The following CDK18 variants were observed in gnomAD, a reference collection of about 807,000 sequenced individuals.
The protein encoded by CDK18 is cyclin dependent kinase 18, also known as cyclin-dependent kinase 18.
CDK18 carries 52 observed loss-of-function variants against 62.0 expected under a neutral mutation model. That is an observed-to-expected ratio of 0.84 (90% CI 0.67 to 1.06). The LOEUF is 1.06. CDK18 is among the 50% of genes least tolerant of loss of function. The probability of loss-of-function intolerance (pLI) is 0.00; values close to 1 mark genes in which losing one functional copy is unlikely to be tolerated. For synonymous variants in CDK18, 237 were observed against 247.0 expected, an observed-to-expected ratio of 0.96 and a Z score of 0.38; for missense variants, 604 against 619.9, an observed-to-expected ratio of 0.97 and a Z score of 0.27.
At chr1:205,506,201 C>A (rs1667298978) in intron 1 of CDK18, among the ~76,000 whole-genome samples, 1 of 152,152 alleles carries the variant, frequency 6.6e-6, no homozygotes, top group Non-Finnish European at 1.5e-5. Context: ...GACACTGGCT[C>A]CAGGTCCGGG....
At chr1:205,505,235 C>T (rs921948263) in intron 1 of CDK18, among the ~76,000 whole-genome samples, 1 of 152,156 alleles carries the variant, frequency 6.6e-6, no homozygotes, top group African/African-American at 2.4e-5. Flanking sequence ...GGTCAGGAGT[C>T]TCCAGGGACC....
intron 1 of CDK18, among the ~76,000 whole-genome samples, chr1:205,521,948 G>A (rs1033799916): frequency 8.5e-5 from 13 of 152,190 alleles, no homozygotes; most frequent in African/African-American, 1.2e-4. Context: ...GGTGCAGGGC[G>A]GCCCATCATA....
chr1:205,507,661 A>T lies in CDK18; in HGVS notation c.-22+2865A>T, dbSNP rs933490997. On this transcript the variant is annotated intron_variant, in intron 1 of 15. Transcript: ENST00000429964. ...AAAAAAAAAAAAAAAAAAAAAAAAAAAATAATGCACAGTGCCTGGCATGTA... is the reference window on the plus strand; with the variant it reads ...AAAAAAAAAAAAAAAAAAAAAAAAATAATAATGCACAGTGCCTGGCATGTA... 3.2e-3 allele frequency among the ~76,000 whole-genome samples: 487 copies of T among 150,376 alleles called. 1 individual carries two copies. Among genetic ancestry groups the T allele is most frequent in the Non-Finnish European group, 4.8e-3 (325 of 67,594 alleles).
intron 4 of CDK18, among the ~76,000 whole-genome samples, chr1:205,524,780 G>A (rs995260890): frequency 2.6e-5 from 4 of 152,318 alleles, no homozygotes; most frequent in African/African-American, 7.2e-5. Flanking sequence ...CTAGAAGTGC[G>A]CTGATGAGAG....
At chr1:205,530,102 G>A (rs1354531727) in intron 13 of CDK18, 157 bp from the exon 14 acceptor site, 1 of 1,449,880 alleles carries the variant, frequency 6.9e-7, no homozygotes, top group Non-Finnish European at 9.0e-7. Flanking sequence ...ATGGCCTGAG[G>A]TTGGGTTTGT....
At position 205,532,426 on chromosome 1, in the gene CDK18, C is replaced by G. The variant is rs529448433; in HGVS notation, c.*1048C>G. The G allele has an allele frequency of 6.5e-6, 1 of 152,862 alleles. No individual in the cohort carries two copies. The highest frequency in any genetic ancestry group is 2.4e-5 in the African/African-American group (1 of 41,586). The allele number at this position is 152,862 out of a possible 1,614,324, so 9.5% of individuals were successfully genotyped here. Reference sequence around the variant, plus strand: ...TGGCTCTGTCCACCTGATCCCAATACCAGCTTCCCCCAGCCCCTGCCACCC... The same window carrying G: ...TGGCTCTGTCCACCTGATCCCAATAGCAGCTTCCCCCAGCCCCTGCCACCC... On this transcript the variant is annotated 3_prime_UTR_variant, in exon 16 of 16. Coordinates refer to ENST00000429964, the MANE Select transcript of CDK18 (RefSeq NM_212502.3).
At position 205,527,028 on chromosome 1, in the gene CDK18, C is replaced by T. The variant is rs1345347319; in HGVS notation, c.729+191C>T. 3.4e-6 allele frequency: 2 copies of T among 584,658 alleles called. No individual in the cohort carries two copies. The highest frequency in any genetic ancestry group is 2.1e-5 in the South Asian group (1 of 48,252). 36.2% of individuals were successfully genotyped at this position (584,658 alleles called of 1,614,324 possible). On this transcript the variant is annotated intron_variant, in intron 8 of 15. Coordinates refer to ENST00000429964, the MANE Select transcript of CDK18 (RefSeq NM_212502.3). The surrounding 1 kb of genome is among the most constrained non-coding windows in gnomAD (Gnocchi z 4.1). ...TTGAGCGCTTTACCCCAAGAACAGA[C>T]ACACACTGTCTGCCACTGTCTAGCT...
At chr1:205,526,677 G>A (rs1668448720) in intron 7 of CDK18, 98 bp from the exon 8 acceptor site, 2 of 1,212,246 alleles carry the variant, frequency 1.6e-6, no homozygotes, top group South Asian at 1.2e-5. Context: ...AGTGGGCGTG[G>A]GCCCTTCCCA....
chr1:205,525,261 C>T (rs1343095411), intron 5 of CDK18, 66 bp downstream of exon 5: 1 of 1,153,050 alleles, frequency 8.7e-7, no homozygotes, highest in Non-Finnish European at 1.3e-6. Context: ...GGGCAGACCT[C>T]CCTAGTCGGC....
In CDK18 at chr1:205,530,312, C is replaced by T. The variant is rs748282748; in HGVS notation, c.1275C>T (p.Phe425=). The change falls in exon 14 of 16, where the codon TTC becomes TTT. Residue 425 remains phenylalanine, a synonymous_variant. Transcript: ENST00000429964. ...SAEAALSHSY[F]RSLGERVHQL... is the part of the protein sequence containing the mutation. The stretch of plus-strand genomic sequence containing the variant: ...AGGCTGCCCTGAGTCACTCCTACTT[C>T]CGGTCTCTGGGAGAGCGTGTGCACC... 3.8e-5 allele frequency: 61 copies of T among 1,613,216 alleles called. No homozygotes were observed. Among genetic ancestry groups the T allele is most frequent in the Non-Finnish European group, 5.1e-5 (60 of 1,180,026 alleles).
intron 1 of CDK18, among the ~76,000 whole-genome samples, chr1:205,512,777 G>A (rs951940843): frequency 2.6e-4 from 40 of 152,372 alleles, no homozygotes; most frequent in Middle Eastern, 3.4e-3. Flanking sequence ...ACTGGGCGGC[G>A]TGGGCCAGCT....
At chr1:205,522,254 G>A (rs1190364943) in intron 1 of CDK18, among the ~76,000 whole-genome samples, 1 of 152,024 alleles carries the variant, frequency 6.6e-6, no homozygotes, top group African/African-American at 2.4e-5. Context: ...TCATGGTTGG[G>A]GACAGGACCG....
intron 7 of CDK18, 103 bp from the exon 8 acceptor site, chr1:205,526,672 G>T: frequency 8.6e-7 from 1 of 1,166,068 alleles, no homozygotes; most frequent in South Asian, 1.2e-5. Context: ...CCACTAGTGG[G>T]CGTGGGCCCT....
In CDK18 at chr1:205,527,245, A is replaced by G. The variant is rs142792310; in HGVS notation, c.729+408A>G. ...CCTGTAATCCCAGCACTGGGAGGCC[A>G]AGGCAGGAAGATGGCTTGAGCCCAG... On this transcript the variant is annotated intron_variant, in intron 8 of 15. Coordinates refer to ENST00000429964, the MANE Select transcript of CDK18 (RefSeq NM_212502.3). The surrounding 1 kb of genome is among the most constrained non-coding windows in gnomAD (Gnocchi z 4.1). 1.2e-3 allele frequency: 271 copies of G among 224,324 alleles called. 2 individuals carry two copies. Among genetic ancestry groups the G allele is most frequent in the African/African-American group, 5.7e-3 (252 of 43,828 alleles). The allele number at this position is 224,324 out of a possible 1,614,324, so 13.9% of individuals were successfully genotyped here. A position where few individuals can be genotyped will look rare whatever the true frequency, so the allele number is the denominator to read the frequency against.
intron 1 of CDK18, among the ~76,000 whole-genome samples, chr1:205,510,961 G>C (rs1667540417): frequency 6.6e-6 from 1 of 152,238 alleles, no homozygotes; most frequent in Non-Finnish European, 1.5e-5. Flanking sequence ...CCTGGTCCCT[G>C]CCATGCTGAG....
At position 205,532,444 on chromosome 1, in the gene CDK18, TG is replaced by T. The variant is rs1472767980; in HGVS notation, c.*1067del. The stretch of plus-strand genomic sequence containing the variant: ...CCCAATACCAGCTTCCCCCAGCCCC[TG>T]CCACCCCAGAGGGCGGCCACGACAG... On this transcript the variant is annotated 3_prime_UTR_variant, in exon 16 of 16. Coordinates refer to ENST00000429964, the MANE Select transcript of CDK18 (RefSeq NM_212502.3). The T allele has an allele frequency of 6.5e-6, 1 of 152,702 alleles. No individual in the cohort carries two copies. Among genetic ancestry groups the T allele is most frequent in the Non-Finnish European group, 1.5e-5 (1 of 68,242 alleles). 9.5% of individuals were successfully genotyped at this position (152,702 alleles called of 1,614,324 possible).
Position 205,523,632 on chromosome 1 carries a change from G to C in CDK18, c.273+7G>C, listed in dbSNP as rs1668264013. On this transcript the variant is annotated splice_region_variant and intron_variant, in intron 3 of 15. Coordinates refer to ENST00000429964, the MANE Select transcript of CDK18 (RefSeq NM_212502.3). Reference sequence around the variant, plus strand: ...GCGCCGCTTCTCCATGGAGGTAAGGGCCTCTGGAGCTCTGCCCCGGCAGGT... The same window carrying C: ...GCGCCGCTTCTCCATGGAGGTAAGGCCCTCTGGAGCTCTGCCCCGGCAGGT... 6.4e-7 allele frequency: 1 copy of C among 1,562,510 alleles called. No individual in the cohort carries two copies. Among genetic ancestry groups the C allele is most frequent in the Admixed American group, 1.9e-5 (1 of 52,096 alleles).
In CDK18 at chr1:205,526,249, G is replaced by A. The variant is rs977030703; in HGVS notation, c.571+70G>A. 296 of 1,506,162 alleles carry A rather than the reference G, an allele frequency of 2.0e-4. 5 individuals carry two copies. The highest frequency in any genetic ancestry group is 1.9e-4 in the Non-Finnish European group (210 of 1,083,468). 93.3% of individuals were successfully genotyped at this position (1,506,162 alleles called of 1,614,324 possible). ...GAGGGGTTCACCAGCCTGCACCCTT[G>A]TGGGAGCTGGGGGTAGAGGATCATT... On this transcript the variant is annotated intron_variant, in intron 6 of 15. Transcript: ENST00000429964.
rs1575083882 is a variant in CDK18 at position 205,531,435 on chromosome 1, G to T, written c.*57G>T. ...AGAGATCACATGGAGCACAAATTCG[G>T]GTAGGATGGAGCCTGTGTGGCCCTC... On this transcript the variant is annotated 3_prime_UTR_variant, in exon 16 of 16. Coordinates refer to ENST00000429964, the MANE Select transcript of CDK18 (RefSeq NM_212502.3). 1.3e-5 allele frequency: 20 copies of T among 1,527,914 alleles called. No homozygotes were observed. In the East Asian group the frequency reaches 4.3e-4, roughly 33 times the overall value. The allele number at this position is 1,527,914 out of a possible 1,614,324, so 94.6% of individuals were successfully genotyped here. A position where few individuals can be genotyped will look rare whatever the true frequency, so the allele number is the denominator to read the frequency against.
Sources: allele counts gnomAD v4.1 joint callset (sites outside exome capture counted in the v4.1 genomes callset), GRCh38; gene constraint gnomAD v4.1.1; non-coding constraint Gnocchi (gnomAD v3.1); transcripts MANE v1.5; gene names NCBI Gene and HGNC (gene_info 2026-07-23, HGNC 2026-07-21).